ZKSCAN7: variants seen among roughly 807,000 people sequenced by gnomAD.
ZKSCAN7 encodes the protein zinc finger with KRAB and SCAN domains 7.
Under a neutral mutation model 65.3 loss-of-function variants are expected in ZKSCAN7, and 38 were observed. The ratio of observed to expected loss-of-function variants is 0.58; its 90% confidence interval spans 0.45 to 0.76. The LOEUF is 0.76. Among genes scored for constraint, ZKSCAN7 ranks in the 30% least tolerant of loss-of-function variants. ZKSCAN7 has a pLI of 0.00. For synonymous variants in ZKSCAN7, 321 were observed against 321.0 expected, an observed-to-expected ratio of 1.00 and a Z score of 0.00; for missense variants, 815 against 913.3, an observed-to-expected ratio of 0.89 and a Z score of 1.39.
At chr3:44,576,965 CTT>C (rs753251023), downstream of ZKSCAN7, among the ~76,000 whole-genome samples, 10 of 143,272 alleles carry the variant, frequency 7.0e-5, no homozygotes, top group African/African-American at 1.3e-4. Flanking sequence ...GAAACAAAAT[CTT>C]TTTTTTTTTT....
At chr3:44,569,728 C>T (rs1328005181) in intron 5 of ZKSCAN7, among the ~76,000 whole-genome samples, 194 bp from the exon 6 acceptor site, 2 of 152,140 alleles carry the variant, frequency 1.3e-5, no homozygotes, top group Admixed American at 1.3e-4. Flanking sequence ...ACCACCTTCC[C>T]CTTCCTTGTT....
intron 2 of ZKSCAN7, chr3:44,557,736 G>A (rs924448806): frequency 9.9e-5 from 52 of 527,226 alleles, no homozygotes; most frequent in Non-Finnish European, 2.6e-5. Context: ...CCTGGCAGGC[G>A]GGGGATCTGC....
chr3:44,570,754 G>T lies in ZKSCAN7; in HGVS notation c.1644G>T (p.Glu548Asp), dbSNP rs1699781143. Reference protein sequence around the residue: ...LIDHQRIHTGEKPYECSECGK... With the variant: ...LIDHQRIHTGDKPYECSECGK... ...ACCATCAGAGAATCCACACTGGGGA[G>T]AAGCCTTATGAGTGTAGTGAATGTG... The change falls in exon 6 of 6, where the codon GAG (glutamate) becomes GAT (aspartate). Residue 548 changes from glutamate to aspartate, a missense_variant. Physicochemically the swap from Glu to Asp is conservative, Grantham distance 45 (BLOSUM62 2). This residue lies in a region of ZKSCAN7 where 578 missense variants were observed against 629.5 expected (regional missense o/e 0.92). Transcript: ENST00000426540. The T allele has an allele frequency of 6.2e-7, 1 of 1,614,190 alleles. No individual in the cohort carries two copies. The highest frequency in any genetic ancestry group is 8.5e-7 in the Non-Finnish European group (1 of 1,180,040).
At position 44,570,026 on chromosome 3, in the gene ZKSCAN7, C is replaced by G. The variant is rs146457545; in HGVS notation, c.916C>G (p.Pro306Ala). The change falls in exon 6 of 6, where the codon CCT becomes GCT. Residue 306 changes from proline to alanine, a missense_variant. This residue lies in a region of ZKSCAN7 where 578 missense variants were observed against 629.5 expected (regional missense o/e 0.92). Transcript: ENST00000426540. Reference protein sequence around the residue: ...RTSGGLFGVVPGAAETGDVCE... With the variant: ...RTSGGLFGVVAGAAETGDVCE... Reference sequence around the variant, plus strand: ...ATCAGGGGGACTCTTTGGGGTGGTTCCTGGGGCAGCAGAGACTGGAGATGT... The same window carrying G: ...ATCAGGGGGACTCTTTGGGGTGGTTGCTGGGGCAGCAGAGACTGGAGATGT... The G allele has an allele frequency of 4.3e-6, 7 of 1,613,494 alleles. No individual in the cohort carries two copies. The highest frequency in any genetic ancestry group is 2.5e-6 in the Non-Finnish European group (3 of 1,179,870).
In ZKSCAN7 at chr3:44,570,083, C is replaced by G. The variant is rs1559428516; in HGVS notation, c.973C>G (p.Gln325Glu). The G allele has an allele frequency of 1.2e-6, 2 of 1,613,830 alleles. No individual in the cohort carries two copies. Among genetic ancestry groups the G allele is most frequent in the Non-Finnish European group, 1.7e-6 (2 of 1,179,956 alleles). ...AGATACTTTCAAGGAGTTAGAAGGACAAACCTCAGATGAAGAAGGGAGCAG... is the reference window on the plus strand; with the variant it reads ...AGATACTTTCAAGGAGTTAGAAGGAGAAACCTCAGATGAAGAAGGGAGCAG... ...CEDTFKELEG[Q>E]TSDEEGSRLE... The change falls in exon 6 of 6, where the codon CAA becomes GAA. Residue 325 changes from glutamine (Q) to glutamate (E), a missense_variant. Gln to Glu is a conservative substitution (Grantham distance 29). This residue lies in a region of ZKSCAN7 where 578 missense variants were observed against 629.5 expected (regional missense o/e 0.92). Coordinates refer to ENST00000426540, the MANE Select transcript of ZKSCAN7 (RefSeq NM_001288590.2).
intron 2 of ZKSCAN7, among the ~76,000 whole-genome samples, chr3:44,563,948 G>C (rs1331197133): frequency 6.6e-6 from 1 of 152,192 alleles, no homozygotes. Flanking sequence ...AATCCAGGGA[G>C]CCTGCTGGTC....
At chr3:44,572,635 G>C (rs1699838535), downstream of ZKSCAN7, among the ~76,000 whole-genome samples, 1 of 151,738 alleles carries the variant, frequency 6.6e-6, no homozygotes, top group South Asian at 2.1e-4. Context: ...GGATCACGAG[G>C]TCAGGAGGTG....
intron 5 of ZKSCAN7, among the ~76,000 whole-genome samples, chr3:44,569,506 C>A (rs1319359160): frequency 6.6e-6 from 1 of 152,154 alleles, no homozygotes; most frequent in Non-Finnish European, 1.5e-5. Context: ...TTGCCAGCCT[C>A]CTCTCTCCCA....
rs562757509 is a variant in ZKSCAN7, at chr3:44,560,760, G to A, written c.423+3290G>A. ...CCTGACCTCATGATCCTCCCGCCTC[G>A]TTCTCCCAAAGTGCTGGGATTACAG... On this transcript the variant is annotated intron_variant, in intron 2 of 5. Coordinates refer to ENST00000426540, the MANE Select transcript of ZKSCAN7 (RefSeq NM_001288590.2). Among the ~76,000 whole-genome samples, 6 of 151,936 alleles carry A rather than the reference G, an allele frequency of 3.9e-5. No homozygotes were observed. In the South Asian group the frequency reaches 8.3e-4, roughly 21 times the overall value.
rs1699326071 is a variant in ZKSCAN7, at chr3:44,557,317, G to A, written c.270G>A (p.Lys90=). ...GGCTCATGCCAGAGGTGCACACCAA[G>A]GAGCAGATCCTGGAGCTGCTGGTGC... The part of the protein sequence containing the change: ...RWWLMPEVHT[K]EQILELLVLE... Residue 90 remains lysine (K), a synonymous_variant, in exon 2 of 6, where the codon AAG becomes AAA. Transcript: ENST00000426540. 3 of 1,614,284 alleles carry A rather than the reference G, an allele frequency of 1.9e-6. No individual in the cohort carries two copies. Among genetic ancestry groups the A allele is most frequent in the East Asian group, 4.5e-5 (2 of 44,882 alleles).
chr3:44,580,069 CT>C, intron 5 of ZKSCAN7: 1 of 1,597,970 alleles, frequency 6.3e-7, no homozygotes, highest in South Asian at 1.1e-5. Flanking sequence ...GAGGGCCCCA[CT>C]GCATTGGTCT....
In ZKSCAN7 at chr3:44,571,191, A is replaced by G. The variant is rs1166969419; in HGVS notation, c.2081A>G (p.Asn694Ser). 1.9e-6 allele frequency: 3 copies of G among 1,614,080 alleles called. No individual in the cohort carries two copies. Among genetic ancestry groups the G allele is most frequent in the Admixed American group, 1.7e-5 (1 of 60,004 alleles). The change falls in exon 6 of 6, where the codon AAT becomes AGT. Residue 694 changes from asparagine to serine, a missense_variant. Asn to Ser is a conservative substitution (Grantham distance 46, BLOSUM62 1). Transcript: ENST00000426540. ...ACTGGGGAAAAACCCTATAAATGCA[A>G]TGATTGTGGGAAAGCTTTTAGTGAC... ...THTGEKPYKC[N>S]DCGKAFSDSS...
Position 44,570,002 on chromosome 3 carries a change from T to C in ZKSCAN7, c.892T>C (p.Ser298Pro). The change falls in exon 6 of 6, where the codon TCA becomes CCA. Residue 298 changes from serine to proline, a missense_variant. This residue lies in a region of ZKSCAN7 where 578 missense variants were observed against 629.5 expected (regional missense o/e 0.92). Transcript: ENST00000426540. ...AGGATCAGAGTCATCTAACAGGACATCAGGGGGACTCTTTGGGGTGGTTCC... is the reference window on the plus strand; with the variant it reads ...AGGATCAGAGTCATCTAACAGGACACCAGGGGGACTCTTTGGGGTGGTTCC... ...FKGSESSNRT[S>P]GGLFGVVPGA... 6.2e-7 allele frequency: 1 copy of C among 1,611,236 alleles called. No individual in the cohort carries two copies. Among genetic ancestry groups the C allele is most frequent in the Non-Finnish European group, 8.5e-7 (1 of 1,179,042 alleles).
intron 5 of ZKSCAN7, among the ~76,000 whole-genome samples, chr3:44,578,511 C>T (rs918046642): frequency 6.6e-5 from 10 of 152,212 alleles, no homozygotes; most frequent in Admixed American, 3.9e-4. Context: ...TGCCCGGCCT[C>T]CAGCGCCTGG....
Position 44,570,104 on chromosome 3 carries a change from A to T in ZKSCAN7, c.994A>T (p.Ser332Cys). 1 of 1,614,032 alleles carries T rather than the reference A, an allele frequency of 6.2e-7. No homozygotes were observed. Among genetic ancestry groups the T allele is most frequent in the Non-Finnish European group, 8.5e-7 (1 of 1,179,988 alleles). Residue 332 changes from serine (S) to cysteine (C), a missense_variant, in exon 6 of 6, where the codon AGC (serine) becomes TGC (cysteine). Coordinates refer to ENST00000426540, the MANE Select transcript of ZKSCAN7 (RefSeq NM_001288590.2). ...LEGQTSDEEGSRLENDFLEIT... is the reference protein window; with the variant it reads ...LEGQTSDEEGCRLENDFLEIT... The stretch of plus-strand genomic sequence containing the variant: ...AGGACAAACCTCAGATGAAGAAGGG[A>T]GCAGACTAGAAAATGATTTCTTGGA...
At chr3:44,582,120 G>T (rs530121646) in intron 5 of ZKSCAN7, among the ~76,000 whole-genome samples, 33 of 152,344 alleles carry the variant, frequency 2.2e-4, no homozygotes, top group Admixed American at 1.3e-3. Context: ...TACAGGGAAG[G>T]TGTTAACGAT....
chr3:44,577,737 C>CAACA (rs1377972096), intron 5 of ZKSCAN7, among the ~76,000 whole-genome samples: 1 of 152,190 alleles, frequency 6.6e-6, no homozygotes, highest in African/African-American at 2.4e-5. Context: ...TTGATGAAGA[C>CAACA]AACAGGAAGT....
chr3:44,561,893 TGAG>T (rs1345731099), intron 2 of ZKSCAN7, among the ~76,000 whole-genome samples: 2 of 152,208 alleles, frequency 1.3e-5, no homozygotes, highest in South Asian at 4.1e-4. Context: ...CAACTGACAT[TGAG>T]TGCCTGTGCC....
intron 3 of ZKSCAN7, among the ~76,000 whole-genome samples, chr3:44,566,108 A>G (rs1266311410): frequency 6.6e-6 from 1 of 152,202 alleles, no homozygotes; most frequent in East Asian, 1.9e-4. Context: ...GGGATGCTTC[A>G]TGAAGGAGGT....
Sources: gnomAD v4.1 joint callset for allele counts (sites outside exome capture counted in the v4.1 genomes callset) on GRCh38, gnomAD v4.1.1 for gene constraint, gnomAD v4.1.1 regional missense constraint, MANE v1.5 for transcripts, NCBI Gene and HGNC (gene_info 2026-07-23, HGNC 2026-07-21) for gene names.